The following UBR4 variants were observed in gnomAD, a reference collection of about 807,000 sequenced individuals.
UBR4 encodes the protein E3 ubiquitin-protein ligase UBR4.
Under a neutral mutation model 575.6 loss-of-function variants are expected in UBR4, and 124 were observed. The observed-to-expected ratio is 0.22, with a 90% CI of 0.19 to 0.25. The LOEUF (loss-of-function observed/expected upper bound fraction) is 0.25, where lower values mean the gene tolerates loss of function less well. Ranked by LOEUF, UBR4 falls within the 10% of genes least tolerant of loss-of-function variation. The pLI is 1.00. For synonymous variants in UBR4, 2,455 were observed against 2,473.7 expected (o/e 0.99, Z 0.22); for missense variants, 4,818 against 6,478.8 (o/e 0.74, Z 8.80).
rs1002860504 is a variant in UBR4 at position 19,173,057 on chromosome 1, A to C, written c.3328T>G (p.Leu1110Val). ...SFCSIDCTTI[L>V]QLHEIPSLQS... ...AGACTGGGAATTTCATGCAGCTGCA[A>C]GATGGTGGTACAGTCGATACTACAG... Residue 1110 changes from leucine (L) to valine (V), a missense_variant, in exon 25 of 106, where the codon TTG becomes GTG. This residue lies in a region of UBR4 where 1,172 missense variants were observed against 1,259.7 expected (regional missense o/e 0.93). Coordinates refer to ENST00000375254, the MANE Select transcript of UBR4 (RefSeq NM_020765.3). The C allele has an allele frequency of 5.0e-6, 8 of 1,614,116 alleles. No individual in the cohort carries two copies. In the African/African-American group the frequency reaches 6.7e-5, roughly 13 times the overall value.
chr1:19,165,556 A>C, intron 30 of UBR4, 100 bp downstream of exon 30: 1 of 1,323,304 alleles, frequency 7.6e-7, no homozygotes, highest in Non-Finnish European at 1.1e-6. Flanking sequence ...ACCAGGCCTT[A>C]AATATTGCTG....
intron 105 of UBR4, 61 bp downstream of exon 105, chr1:19,076,679 C>T (rs137978878): frequency 0.04 from 64,877 of 1,608,094 alleles, 1,665 homozygotes; most frequent in Middle Eastern, 0.063. Flanking sequence ...GGATGACCCA[C>T]GGAGGAAGAC....
chr1:19,119,009 T>C (rs370641243), intron 70 of UBR4, 52 bp from the exon 71 acceptor site: 38 of 1,576,392 alleles, frequency 2.4e-5, no homozygotes, highest in African/African-American at 4.0e-5. Flanking sequence ...TGAAGTCTTA[T>C]TGGAAAAGAC....
In UBR4 at chr1:19,157,059, C is replaced by A; in HGVS notation, c.5761-134G>T. On this transcript the variant is annotated intron_variant, in intron 40 of 105. Transcript: ENST00000375254. The surrounding 1 kb of genome is among the most constrained non-coding windows in gnomAD (Gnocchi z 4.4). ...TTTACAGATAAGTCTAGTAGAAAAT[C>A]CTAGATCAGTATTAGTCTCTATTAC... The A allele has an allele frequency of 3.0e-6, 3 of 1,014,728 alleles. No individual in the cohort carries two copies. The highest frequency in any genetic ancestry group is 4.2e-6 in the Non-Finnish European group (3 of 714,218). The allele number at this position is 1,014,728 out of a possible 1,614,324, so 62.9% of individuals were successfully genotyped here.
intron 21 of UBR4, among the ~76,000 whole-genome samples, 162 bp from the exon 22 acceptor site, chr1:19,174,609 C>T (rs932484062): frequency 6.6e-6 from 1 of 152,210 alleles, no homozygotes; most frequent in Admixed American, 6.5e-5. Flanking sequence ...ATTACTCACA[C>T]TGTTTGCAAG....
intron 20 of UBR4, among the ~76,000 whole-genome samples, chr1:19,176,173 C>T (rs1483464509): frequency 6.6e-6 from 1 of 151,884 alleles, no homozygotes; most frequent in East Asian, 1.9e-4. Context: ...ACTGCAACCT[C>T]TGCTTCCTGG....
chr1:19,198,839 T>C lies in UBR4; in HGVS notation c.468A>G (p.Lys156=). Residue 156 remains lysine, a synonymous_variant, in exon 4 of 106, where the codon AAA becomes AAG. Coordinates refer to ENST00000375254, the MANE Select transcript of UBR4 (RefSeq NM_020765.3). ...TEIITFTAMM[K]SAKLPQTVKT... ...TCACTGTTTGGGGCAGCTTGGCGGA[T>C]TTCATCATTGCTGTAAATGTGATAA... The C allele has an allele frequency of 1.2e-6, 2 of 1,614,258 alleles. No homozygotes were observed. Among genetic ancestry groups the C allele is most frequent in the Non-Finnish European group, 1.7e-6 (2 of 1,180,048 alleles).
At chr1:19,187,613 C>A in intron 11 of UBR4, 73 bp from the exon 12 acceptor site, 1 of 1,504,218 alleles carries the variant, frequency 6.6e-7, no homozygotes, top group Non-Finnish European at 9.1e-7. Context: ...AGCAGTGGAT[C>A]TTGCCATTTT....
intron 61 of UBR4, 29 bp downstream of exon 61, chr1:19,128,948 TG>T (rs1347864711): frequency 1.9e-6 from 3 of 1,602,078 alleles, no homozygotes; most frequent in Non-Finnish European, 2.6e-6. Context: ...AATCATGACC[TG>T]ACAGAGATCC....
chr1:19,112,786 C>A lies in UBR4; in HGVS notation c.11539G>T (p.Val3847Leu). Residue 3847 changes from valine (V) to leucine (L), a missense_variant, in exon 78 of 106, where the codon GTG (valine) becomes TTG (leucine). Around this residue, in one of 29 missense-constraint regions of UBR4, gnomAD observed 333 missense variants for 459.2 expected, o/e 0.73. Transcript: ENST00000375254. ...EAATKSSRTS[V>L]QPTFTASQYR... ...TGGCTGGCAGTGAATGTGGGCTGCA[C>A]GGAGGTCCGGGATGATTTAGTGGCT... 1 of 1,614,166 alleles carries A rather than the reference C, an allele frequency of 6.2e-7. No homozygotes were observed. Among genetic ancestry groups the A allele is most frequent in the Non-Finnish European group, 8.5e-7 (1 of 1,180,002 alleles).
intron 8 of UBR4, among the ~76,000 whole-genome samples, chr1:19,194,767 A>G (rs568671489): frequency 5.6e-4 from 85 of 152,310 alleles, no homozygotes; most frequent in African/African-American, 1.9e-3. Flanking sequence ...GAGCCATTGC[A>G]TTCCAGCCTG....
chr1:19,084,692 G>A lies in UBR4; in HGVS notation c.14820C>T (p.Asn4940=), dbSNP rs1421868623. 1 of 1,608,578 alleles carries A rather than the reference G, an allele frequency of 6.2e-7. No individual in the cohort carries two copies. Among genetic ancestry groups the A allele is most frequent in the South Asian group, 1.1e-5 (1 of 90,434 alleles). ...GGCCTGTACATTCCTGGAGGTAAGT[G>A]TTGTGTCTAGAGGGAAGCAGAACAA... ...SAFATCLARH[N]TYLQECTGQR... Residue 4940 remains asparagine, a synonymous_variant, in exon 102 of 106, where the codon AAC becomes AAT. Coordinates refer to ENST00000375254, the MANE Select transcript of UBR4 (RefSeq NM_020765.3).
chr1:19,176,123 C>T (rs1297669093), intron 20 of UBR4, among the ~76,000 whole-genome samples: 1 of 146,248 alleles, frequency 6.8e-6, no homozygotes, highest in Non-Finnish European at 1.5e-5. Flanking sequence ...GAGTCTTGTT[C>T]TGCTGCCCAG....
chr1:19,128,744 A>T (rs1340810405), intron 61 of UBR4, among the ~76,000 whole-genome samples: 1 of 152,244 alleles, frequency 6.6e-6, no homozygotes, highest in African/African-American at 2.4e-5. Context: ...GGGCTTTTGC[A>T]CTGGCTCTGT....
intron 60 of UBR4, among the ~76,000 whole-genome samples, chr1:19,133,246 A>G (rs2082745886): frequency 6.6e-6 from 1 of 152,210 alleles, no homozygotes; most frequent in African/African-American, 2.4e-5. Flanking sequence ...TAATAATAGA[A>G]AAATCAATTA....
intron 60 of UBR4, among the ~76,000 whole-genome samples, chr1:19,136,908 G>C (rs530777934): frequency 1.3e-5 from 2 of 152,090 alleles, no homozygotes; most frequent in African/African-American, 4.8e-5. Flanking sequence ...AGTAGGATTC[G>C]GGGAACGTGG....
chr1:19,162,658 AT>A (rs2087573596), intron 34 of UBR4, 47 bp from the exon 35 acceptor site: 1 of 1,547,048 alleles, frequency 6.5e-7, no homozygotes, highest in African/African-American at 1.4e-5. Flanking sequence ...ATGTTTCATT[AT>A]GTAAACCATG....
rs373018513 is a variant in UBR4, at chr1:19,148,612, G to A, written c.7445C>T (p.Ser2482Phe). The change falls in exon 50 of 106, where the codon TCT (serine) becomes TTT (phenylalanine). Residue 2482 changes from serine (S) to phenylalanine (F), a missense_variant. Ser to Phe is a radical substitution (Grantham distance 155). Around this residue, in one of 29 missense-constraint regions of UBR4, gnomAD observed 340 missense variants for 375.4 expected, o/e 0.91. Transcript: ENST00000375254. ...AAAGCAGCTTTCCAGGGCTTCTAAA[G>A]AACTCACAACCAGCCTGGGGAGACA... ...GTVLERLVVS[S>F]LEALESCFAV... 19 of 1,614,220 alleles carry A rather than the reference G, an allele frequency of 1.2e-5. No individual in the cohort carries two copies. Among genetic ancestry groups the A allele is most frequent in the Non-Finnish European group, 1.6e-5 (19 of 1,180,038 alleles).
chr1:19,122,771 C>G, intron 66 of UBR4, 62 bp downstream of exon 66: 1 of 1,572,830 alleles, frequency 6.4e-7, no homozygotes, highest in Non-Finnish European at 8.7e-7. Flanking sequence ...AGCCCTATTA[C>G]CTACTTGGCT....
Sources: allele counts gnomAD v4.1 joint callset (sites outside exome capture counted in the v4.1 genomes callset), GRCh38; gene constraint gnomAD v4.1.1; regional missense constraint gnomAD v4.1.1; non-coding constraint Gnocchi (gnomAD v3.1); transcripts MANE v1.5; gene names NCBI Gene and HGNC (gene_info 2026-07-23, HGNC 2026-07-21).